The following FDFT1 variants were observed in gnomAD, a reference collection of about 807,000 sequenced individuals.
FDFT1 encodes the protein farnesyl-diphosphate farnesyltransferase 1, also known as squalene synthase.
A neutral mutation model predicts 46.8 loss-of-function variants in FDFT1; 68 were observed. The observed-to-expected ratio is 1.45, with a 90% CI of 1.19 to 1.78. FDFT1 has a LOEUF of 1.78. Among genes scored for constraint, FDFT1 ranks in the 40% most tolerant of loss-of-function variants. FDFT1 has a pLI of 0.00. For missense variants in FDFT1, 928 were observed against 524.4 expected (o/e 1.77, Z -7.52); for synonymous variants, 351 against 185.1 (o/e 1.90, Z -7.28).
chr8:11,802,974 C>T (rs1223966792), intron 1 of FDFT1, 43 bp downstream of exon 1: 4 of 1,559,594 alleles, frequency 2.6e-6, no homozygotes, highest in South Asian at 1.2e-5. Context: ...GGAAGGAGCT[C>T]GCTGGGCCGG....
chr8:11,813,157 A>T (rs562216074), intron 3 of FDFT1, among the ~76,000 whole-genome samples: 4 of 152,336 alleles, frequency 2.6e-5, no homozygotes, highest in African/African-American at 7.2e-5. Context: ...AGGGTGTTAC[A>T]GTCTTAAGGG....
At chr8:11,827,636 A>G (rs1156377690) in intron 5 of FDFT1, among the ~76,000 whole-genome samples, 2 of 152,232 alleles carry the variant, frequency 1.3e-5, no homozygotes, top group Non-Finnish European at 2.9e-5. Flanking sequence ...ACTGCCCCAC[A>G]GAAAAATGGG....
chr8:11,819,596 A>G (rs113179714), intron 3 of FDFT1, among the ~76,000 whole-genome samples: 4 of 151,500 alleles, frequency 2.6e-5, no homozygotes, highest in Non-Finnish European at 5.9e-5. Context: ...CATTAATTTG[A>G]TCTTCGATCA....
chr8:11,805,236 G>GGAA (rs958692938), intron 1 of FDFT1, among the ~76,000 whole-genome samples: 10 of 152,204 alleles, frequency 6.6e-5, no homozygotes, highest in Admixed American at 4.6e-4. Flanking sequence ...TGCAAACTAG[G>GGAA]GAAAAAATTT....
At chr8:11,797,387 A>C (rs1805666234), upstream of FDFT1, among the ~76,000 whole-genome samples, 1 of 152,178 alleles carries the variant, frequency 6.6e-6, no homozygotes, top group Non-Finnish European at 1.5e-5. Context: ...GCTCTCTAAC[A>C]AATAGCACCA....
At chr8:11,815,170 C>T (rs1441988380) in intron 3 of FDFT1, among the ~76,000 whole-genome samples, 1 of 152,178 alleles carries the variant, frequency 6.6e-6, no homozygotes, top group Non-Finnish European at 1.5e-5. Flanking sequence ...TTTCCAGCTT[C>T]ATCCATGTCC....
chr8:11,830,286 C>G lies in FDFT1; in HGVS notation c.745C>G (p.Pro249Ala). 6.2e-7 allele frequency: 1 copy of G among 1,613,968 alleles called. No individual in the cohort carries two copies. The highest frequency in any genetic ancestry group is 1.3e-5 in the African/African-American group (1 of 75,034). ...YVKKLGDFAK[P>A]ENIDLAVQCL... is the part of the protein sequence containing the mutation. ...TAAGAAGTTAGGGGATTTTGCTAAG[C>G]CGGAGAATATTGACTTGGCCGTGCA... Residue 249 changes from proline (P) to alanine (A), a missense_variant, in exon 6 of 8, where the codon CCG (proline) becomes GCG (alanine). Pro to Ala is a conservative substitution (Grantham distance 27). Transcript: ENST00000220584.
chr8:11,798,827 C>T (rs1000719940), upstream of FDFT1, among the ~76,000 whole-genome samples: 10 of 152,252 alleles, frequency 6.6e-5, no homozygotes, highest in Admixed American at 1.3e-4. Context: ...AAAGGTGTGT[C>T]GTCACTGAGC....
chr8:11,804,925 T>TTGA (rs1806630566), intron 1 of FDFT1, among the ~76,000 whole-genome samples: 1 of 63,018 alleles, frequency 1.6e-5, no homozygotes, highest in African/African-American at 5.3e-5. Context: ...TTTTTTTTTT[T>TTGA]GAGGGGGGGG....
chr8:11,838,546 C>CTGG lies in FDFT1; in HGVS notation c.1192_1194dup (p.Trp398dup). ...TTGTCATGCTTTTGGCTGCCCTGAG[C>CTGG]TGGCAGTACCTGACCACTCTCTCCC... On this transcript the variant is annotated inframe_insertion, in exon 8 of 8. Coordinates refer to ENST00000220584, the MANE Select transcript of FDFT1 (RefSeq NM_004462.5). 6.2e-7 allele frequency: 1 copy of CTGG among 1,612,164 alleles called. No homozygotes were observed. The highest frequency in any genetic ancestry group is 8.5e-7 in the Non-Finnish European group (1 of 1,179,262).
Position 11,825,539 on chromosome 8 carries a change from C to CA in FDFT1, c.511-464dup, listed in dbSNP as rs35076894. On this transcript the variant is annotated intron_variant, in intron 4 of 7. Coordinates refer to ENST00000220584, the MANE Select transcript of FDFT1 (RefSeq NM_004462.5). Reference sequence around the variant, plus strand: ...CAGGGGACAAAGTGAGACTTGATCTCAAAAAAAAAAAAAAAAAAAAAGTTA... The same window carrying CA: ...CAGGGGACAAAGTGAGACTTGATCTCAAAAAAAAAAAAAAAAAAAAAAGTTA... 4.7e-3 allele frequency among the ~76,000 whole-genome samples: 449 copies of CA among 94,732 alleles called. 3 individuals are homozygous for CA. The highest frequency in any genetic ancestry group is 0.014 in the African/African-American group (370 of 26,510). The allele number at this position is 94,732 out of a possible 152,430, so 62.1% of individuals were successfully genotyped here. A position where few individuals can be genotyped will look rare whatever the true frequency, so the allele number is the denominator to read the frequency against.
intron 1 of FDFT1, chr8:11,803,392 C>T (rs1449964323): frequency 3.1e-6 from 4 of 1,289,714 alleles, no homozygotes; most frequent in Admixed American, 2.3e-5. Context: ...TTCCGGAGCT[C>T]TCCCCGCCTT....
At chr8:11,799,561 G>C (rs1338934430), upstream of FDFT1, among the ~76,000 whole-genome samples, 1 of 152,208 alleles carries the variant, frequency 6.6e-6, no homozygotes, top group African/African-American at 2.4e-5. Flanking sequence ...CCAGCCAGTT[G>C]TGTATGAACT....
chr8:11,803,069 T>G, intron 1 of FDFT1, 138 bp downstream of exon 1: 3 of 1,449,722 alleles, frequency 2.1e-6, no homozygotes, highest in South Asian at 1.4e-5. Flanking sequence ...CGTCCCCCTT[T>G]CCTCGAGCCT....
intron 4 of FDFT1, among the ~76,000 whole-genome samples, chr8:11,823,826 C>T (rs914234843): frequency 1.3e-4 from 20 of 152,184 alleles, no homozygotes; most frequent in African/African-American, 4.6e-4. Context: ...TCACTGCAGC[C>T]TTCACCTCCT....
chr8:11,797,191 G>T (rs146782382), intron 1 of FDFT1, among the ~76,000 whole-genome samples: 205 of 152,242 alleles, frequency 1.3e-3, no homozygotes, highest in African/African-American at 4.6e-3. Context: ...TCCTCAATTT[G>T]GTCGGCTGTC....
intron 1 of FDFT1, chr8:11,808,120 G>T (rs903437105): frequency 1.1e-5 from 4 of 376,694 alleles, no homozygotes; most frequent in African/African-American, 2.2e-5. Flanking sequence ...GGGGATTCTG[G>T]TCAAATCAAT....
chr8:11,808,912 C>G, intron 2 of FDFT1, 21 bp downstream of exon 2: 2 of 1,609,454 alleles, frequency 1.2e-6, no homozygotes, highest in Non-Finnish European at 1.7e-6. Context: ...GAGGCAGCGC[C>G]TCTGGCTTGG....
chr8:11,807,467 T>A (rs559683522), intron 1 of FDFT1, among the ~76,000 whole-genome samples: 1 of 152,122 alleles, frequency 6.6e-6, no homozygotes, highest in Non-Finnish European at 1.5e-5. Flanking sequence ...CCGGCCCTGT[T>A]GGATAAATGA....
Sources: gnomAD v4.1 joint callset for allele counts (sites outside exome capture counted in the v4.1 genomes callset) on GRCh38, gnomAD v4.1.1 for gene constraint, MANE v1.5 for transcripts, NCBI Gene and HGNC (gene_info 2026-07-23, HGNC 2026-07-21) for gene names.